SLCO1B1: variants seen among roughly 807,000 people sequenced by gnomAD.
SLCO1B1 encodes the protein OATP-2.
SLCO1B1 carries 81 observed loss-of-function variants against 70.1 expected under a neutral mutation model. The ratio of observed to expected loss-of-function variants is 1.16; its 90% CI spans 0.97 to 1.39. The LOEUF is 1.39. Among genes scored for constraint, SLCO1B1 ranks in the 40% most tolerant of loss-of-function variants. The probability of loss-of-function intolerance (pLI) is 0.00; values close to 1 mark genes in which losing one functional copy is unlikely to be tolerated. For missense variants in SLCO1B1, 895 were observed against 799.6 expected, an observed-to-expected ratio of 1.12 and a Z score of -1.44; for synonymous variants, 283 against 271.5, an observed-to-expected ratio of 1.04 and a Z score of -0.42.
chr12:21,174,667 T>G lies in SLCO1B1; in HGVS notation c.317T>G (p.Ile106Ser), dbSNP rs200227560. The change falls in exon 4 of 15, where the codon ATT (isoleucine) becomes AGT (serine). Residue 106 changes from isoleucine to serine, a missense_variant. Transcript: ENST00000256958. ...GGAATCGGTTGTTTCATTATGGGAA[T>G]TGGAGGTGTTTTGACTGCTTTGCCA... ...LIGIGCFIMGIGGVLTALPHF... is the reference protein window; with the variant it reads ...LIGIGCFIMGSGGVLTALPHF... 2 of 1,613,346 alleles carry G rather than the reference T, an allele frequency of 1.2e-6. No individual in the cohort carries two copies. The highest frequency in any genetic ancestry group is 2.2e-5 in the South Asian group (2 of 91,070).
intron 12 of SLCO1B1, among the ~76,000 whole-genome samples, chr12:21,219,532 A>G (rs547366032): frequency 1.3e-5 from 2 of 152,326 alleles, no homozygotes; most frequent in East Asian, 3.9e-4. Context: ...AGGGGATTTA[A>G]GCATTAGTAT....
intron 1 of SLCO1B1, among the ~76,000 whole-genome samples, chr12:21,135,609 G>C (rs1240045894): frequency 6.6e-6 from 1 of 152,014 alleles, no homozygotes; most frequent in African/African-American, 2.4e-5. Flanking sequence ...TGTCTCTTTT[G>C]ATCTTTGTTG....
chr12:21,142,744 A>G (rs1342632225), intron 2 of SLCO1B1, among the ~76,000 whole-genome samples: 2 of 152,116 alleles, frequency 1.3e-5, no homozygotes, highest in Non-Finnish European at 2.9e-5. Context: ...TAAGGATAAT[A>G]TAATGTACTG....
At chr12:21,232,741 A>AAGACAGAGACAG (rs144681986) in intron 14 of SLCO1B1, among the ~76,000 whole-genome samples, 2 of 107,946 alleles carry the variant, frequency 1.9e-5, no homozygotes, top group South Asian at 2.5e-4. Flanking sequence ...GAGACAGAGA[A>AAGACAGAGACAG]AGACAGAGAC....
At chr12:21,139,253 G>GA (rs1176611688) in intron 1 of SLCO1B1, among the ~76,000 whole-genome samples, 3 of 151,924 alleles carry the variant, frequency 2.0e-5, no homozygotes, top group Non-Finnish European at 4.4e-5. Context: ...GATATTCATG[G>GA]AAAAAATGGG....
chr12:21,225,320 G>A (rs1941471585), intron 14 of SLCO1B1, among the ~76,000 whole-genome samples: 1 of 151,932 alleles, frequency 6.6e-6, no homozygotes, highest in South Asian at 2.1e-4. Context: ...GGGAAAATAT[G>A]TTTCTATATT....
chr12:21,136,685 G>T (rs1425536988), intron 1 of SLCO1B1, among the ~76,000 whole-genome samples: 2 of 152,018 alleles, frequency 1.3e-5, no homozygotes, highest in Non-Finnish European at 2.9e-5. Flanking sequence ...GCTCCATCAA[G>T]TCCTTTAAGA....
intron 1 of SLCO1B1, among the ~76,000 whole-genome samples, chr12:21,132,920 T>G (rs2121018137): frequency 6.6e-6 from 1 of 152,276 alleles, no homozygotes; most frequent in East Asian, 1.9e-4. Context: ...GCCTATGTCC[T>G]GAATGGTATT....
intron 2 of SLCO1B1, among the ~76,000 whole-genome samples, chr12:21,150,103 C>T (rs1207911207): frequency 6.6e-6 from 1 of 152,058 alleles, no homozygotes; most frequent in African/African-American, 2.4e-5. Flanking sequence ...TGGAGCCCAC[C>T]GCAGCTCCAC....
intron 6 of SLCO1B1, 40 bp downstream of exon 6, chr12:21,178,762 CTT>C (rs955892095): frequency 1.9e-6 from 3 of 1,553,840 alleles, no homozygotes; most frequent in Non-Finnish European, 2.7e-6. Flanking sequence ...ATCACTTTCC[CTT>C]TGTCTACTTT....
chr12:21,132,151 A>G (rs1297708405), intron 1 of SLCO1B1, among the ~76,000 whole-genome samples: 1 of 152,130 alleles, frequency 6.6e-6, no homozygotes, highest in Non-Finnish European at 1.5e-5. Flanking sequence ...CCATGTCCCT[A>G]CAAAGGACAT....
chr12:21,207,485 C>T lies in SLCO1B1; in HGVS notation c.1497+1452C>T, dbSNP rs577508314. Among the ~76,000 whole-genome samples, 8 of 152,086 alleles carry T rather than the reference C, an allele frequency of 5.3e-5. No homozygotes were observed. The South Asian group carries it at 1.5e-3, about 28-fold the overall frequency. ...GGACATTATTTCATCCTTCTTTTGG[C>T]CATGTAGTATTCCATTGTCTATATG... On this transcript the variant is annotated intron_variant, in intron 11 of 14. Transcript: ENST00000256958.
intron 10 of SLCO1B1, among the ~76,000 whole-genome samples, chr12:21,204,697 C>T (rs74066324): frequency 0.012 from 1,767 of 151,958 alleles, 43 homozygotes; most frequent in South Asian, 0.039. Context: ...CTTATTAATA[C>T]ACAGAAATTA....
chr12:21,227,733 T>C (rs1447702358), intron 14 of SLCO1B1, among the ~76,000 whole-genome samples: 1 of 152,104 alleles, frequency 6.6e-6, no homozygotes, highest in Non-Finnish European at 1.5e-5. Context: ...CCCAAAGCAA[T>C]GACCACAACT....
intron 7 of SLCO1B1, among the ~76,000 whole-genome samples, chr12:21,191,454 ATATCT>A (rs1400553327): frequency 1.3e-5 from 2 of 152,076 alleles, no homozygotes; most frequent in African/African-American, 4.8e-5. Context: ...AATATAAGTA[ATATCT>A]TATAATTATT....
chr12:21,222,161 T>G, intron 12 of SLCO1B1, 139 bp from the exon 13 acceptor site: 1 of 274,548 alleles, frequency 3.6e-6, no homozygotes, highest in Non-Finnish European at 7.1e-6. Context: ...ACAATTAAAA[T>G]ATAATTTTAT....
chr12:21,184,380 CT>C (rs1458240429), intron 7 of SLCO1B1, among the ~76,000 whole-genome samples: 2 of 152,148 alleles, frequency 1.3e-5, no homozygotes, highest in African/African-American at 4.8e-5. Context: ...GATCAAGTCA[CT>C]GTCAAGGGGA....
At chr12:21,170,114 T>C (rs185456541) in intron 2 of SLCO1B1, among the ~76,000 whole-genome samples, 2 of 152,296 alleles carry the variant, frequency 1.3e-5, no homozygotes, top group Admixed American at 6.5e-5. Context: ...GTTTTTGGTG[T>C]ACCTTTGCTT....
chr12:21,180,298 T>A (rs939032924), intron 7 of SLCO1B1, among the ~76,000 whole-genome samples: 1 of 152,156 alleles, frequency 6.6e-6, no homozygotes, highest in Non-Finnish European at 1.5e-5. Context: ...TTGGTAAAAC[T>A]TTTCCCTCTT....
Sources: gnomAD v4.1 joint callset for allele counts (sites outside exome capture counted in the v4.1 genomes callset) on GRCh38, gnomAD v4.1.1 for gene constraint, MANE v1.5 for transcripts, NCBI Gene and HGNC (gene_info 2026-07-23, HGNC 2026-07-21) for gene names.